CNTN5: variants seen among roughly 807,000 people sequenced by gnomAD.
CNTN5 encodes contactin 5.
Under a neutral mutation model 129.1 loss-of-function variants are expected in CNTN5, and 77 were observed. The observed-to-expected ratio is 0.60, with a 90% CI of 0.50 to 0.72. CNTN5 has a LOEUF of 0.72. Among genes scored for constraint, CNTN5 ranks in the 30% least tolerant of loss-of-function variants. The probability of loss-of-function intolerance (pLI) is 0.00; values close to 1 mark genes in which losing one functional copy is unlikely to be tolerated. For missense variants in CNTN5, 1,478 were observed against 1,328.8 expected (o/e 1.11, Z -1.75); for synonymous variants, 509 against 465.6 (o/e 1.09, Z -1.20).
chr11:99,792,916 G>C (rs1354641950), intron 3 of CNTN5, among the ~76,000 whole-genome samples: 1 of 152,100 alleles, frequency 6.6e-6, no homozygotes, highest in Non-Finnish European at 1.5e-5. Context: ...TGTGCATGCA[G>C]GTGTTCATAG....
intron 3 of CNTN5, among the ~76,000 whole-genome samples, chr11:99,779,849 C>A (rs1360652340): frequency 6.6e-6 from 1 of 151,968 alleles, no homozygotes; most frequent in Non-Finnish European, 1.5e-5. Flanking sequence ...AGTGGCTGTG[C>A]AATCCACCTA....
chr11:100,126,377 T>G (rs112872652), intron 13 of CNTN5, among the ~76,000 whole-genome samples: 1 of 152,154 alleles, frequency 6.6e-6, no homozygotes, highest in Admixed American at 6.6e-5. Flanking sequence ...ATCTTTGTAA[T>G]ACCGTCAGTT....
At chr11:100,201,540 A>T (rs1007147539) in intron 15 of CNTN5, among the ~76,000 whole-genome samples, 1 of 151,960 alleles carries the variant, frequency 6.6e-6, no homozygotes, top group Non-Finnish European at 1.5e-5. Flanking sequence ...AACTTTACAC[A>T]TAATCGGTAC....
intron 3 of CNTN5, among the ~76,000 whole-genome samples, chr11:99,755,858 A>G (rs1431479677): frequency 6.6e-6 from 1 of 152,134 alleles, no homozygotes; most frequent in Non-Finnish European, 1.5e-5. Context: ...ACATTTTAAT[A>G]TTAAAACCTA....
At chr11:100,042,779 T>G (rs1015261987) in intron 9 of CNTN5, among the ~76,000 whole-genome samples, 2 of 152,212 alleles carry the variant, frequency 1.3e-5, no homozygotes, top group African/African-American at 4.8e-5. Flanking sequence ...TGGCTTCACA[T>G]AGTCTTCTCC....
At chr11:99,939,830 A>G (rs1315971547) in intron 7 of CNTN5, among the ~76,000 whole-genome samples, 1 of 152,082 alleles carries the variant, frequency 6.6e-6, no homozygotes, top group African/African-American at 2.4e-5. Flanking sequence ...CCTCCTCTAT[A>G]TGTTTGTGTT....
intron 1 of CNTN5, among the ~76,000 whole-genome samples, chr11:99,207,597 T>C (rs1859547984): frequency 6.6e-6 from 1 of 152,202 alleles, no homozygotes; most frequent in Non-Finnish European, 1.5e-5. Flanking sequence ...TTATGTTTTA[T>C]AGTAGATGGA....
At chr11:99,151,012 G>A (rs527587043) in intron 1 of CNTN5, among the ~76,000 whole-genome samples, 1 of 152,232 alleles carries the variant, frequency 6.6e-6, no homozygotes, top group African/African-American at 2.4e-5. Flanking sequence ...TATATTACAA[G>A]TATTAAAAGG....
intron 3 of CNTN5, among the ~76,000 whole-genome samples, chr11:99,667,234 G>A (rs1350933597): frequency 6.6e-6 from 1 of 151,874 alleles, no homozygotes; most frequent in Non-Finnish European, 1.5e-5. Context: ...ATTTTACCAT[G>A]TGTACCTCTC....
intron 16 of CNTN5, among the ~76,000 whole-genome samples, chr11:100,228,089 A>C (rs1949415665): frequency 6.6e-6 from 1 of 152,372 alleles, no homozygotes; most frequent in African/African-American, 2.4e-5. Context: ...GGTAACTAGG[A>C]GTGATAGCAC....
chr11:99,357,368 T>A (rs1323028059), intron 2 of CNTN5, among the ~76,000 whole-genome samples: 2 of 151,880 alleles, frequency 1.3e-5, no homozygotes, highest in Non-Finnish European at 2.9e-5. Flanking sequence ...GCTTAGAGAT[T>A]TTCTTCATAA....
intron 3 of CNTN5, among the ~76,000 whole-genome samples, chr11:99,722,776 A>G (rs928366550): frequency 1.3e-5 from 2 of 151,944 alleles, no homozygotes; most frequent in Non-Finnish European, 2.9e-5. Context: ...TACTGAGCCC[A>G]CAACTCTCCC....
intron 1 of CNTN5, among the ~76,000 whole-genome samples, chr11:99,142,521 A>G (rs2135465091): frequency 6.6e-6 from 1 of 152,156 alleles, no homozygotes; most frequent in African/African-American, 2.4e-5. Flanking sequence ...TGGGCATCTG[A>G]GGCTGCATTC....
chr11:99,601,019 A>T (rs1232770553), intron 3 of CNTN5, among the ~76,000 whole-genome samples: 1 of 152,158 alleles, frequency 6.6e-6, no homozygotes, highest in Non-Finnish European at 1.5e-5. Context: ...ATATTTATTT[A>T]CTTTTTGTGT....
chr11:99,777,922 C>T (rs1945181368), intron 3 of CNTN5, among the ~76,000 whole-genome samples: 1 of 151,704 alleles, frequency 6.6e-6, no homozygotes, highest in Admixed American at 6.6e-5. Context: ...ACTGACAACC[C>T]CATTAAACAC....
intron 19 of CNTN5, among the ~76,000 whole-genome samples, chr11:100,298,717 CA>C (rs1470271966): frequency 1.3e-5 from 2 of 151,258 alleles, no homozygotes; most frequent in African/African-American, 4.8e-5. Context: ...ACCATAAAAG[CA>C]ATTGCAAAGC....
At chr11:100,154,327 C>T (rs1369229406) in intron 13 of CNTN5, among the ~76,000 whole-genome samples, 2 of 118,298 alleles carry the variant, frequency 1.7e-5, no homozygotes, top group African/African-American at 3.8e-5. Flanking sequence ...ATCTGTGCCA[C>T]ATTTTCTTTA....
chr11:100,213,951 G>A (rs377633854), intron 15 of CNTN5, among the ~76,000 whole-genome samples: 25 of 152,104 alleles, frequency 1.6e-4, no homozygotes, highest in East Asian at 9.7e-4. Context: ...AGCAAGCTTG[G>A]CAAAAGAATA....
chr11:99,624,225 C>G (rs1951052842), intron 3 of CNTN5, among the ~76,000 whole-genome samples: 1 of 151,178 alleles, frequency 6.6e-6, no homozygotes, highest in Admixed American at 6.6e-5. Flanking sequence ...TATGCATTGC[C>G]TAGATCAGTA....
Sources: gnomAD v4.1 joint callset for allele counts (sites outside exome capture counted in the v4.1 genomes callset) on GRCh38, gnomAD v4.1.1 for gene constraint, MANE v1.5 for transcripts, NCBI Gene and HGNC (gene_info 2026-07-23, HGNC 2026-07-21) for gene names.